ODAD4: variants seen among roughly 807,000 people sequenced by gnomAD.
The protein encoded by ODAD4 is outer dynein arm-docking complex subunit 4.
A neutral mutation model predicts 51.8 loss-of-function variants in ODAD4; 49 were observed. The ratio of observed to expected loss-of-function variants is 0.95; its 90% CI spans 0.75 to 1.20. ODAD4 has a LOEUF of 1.20. ODAD4 is among the 50% of genes most tolerant of loss of function. ODAD4 has a pLI of 0.00. For synonymous variants in ODAD4, 235 were observed against 221.3 expected, an observed-to-expected ratio of 1.06 and a Z score of -0.55; for missense variants, 590 against 586.5, an observed-to-expected ratio of 1.01 and a Z score of -0.06.
intron 9 of ODAD4, among the ~76,000 whole-genome samples, chr17:41,952,905 A>AT (rs1165616284): frequency 2.0e-3 from 290 of 148,390 alleles, no homozygotes; most frequent in Admixed American, 4.7e-3. Flanking sequence ...TGCCTGGCAA[A>AT]TTTTTTTTTT....
chr17:41,935,557 G>A, intron 2 of ODAD4, 42 bp from the exon 3 acceptor site: 1 of 1,588,926 alleles, frequency 6.3e-7, no homozygotes, highest in Non-Finnish European at 8.6e-7. Context: ...AGTCCTATAA[G>A]GCCTTATCTG....
At chr17:41,954,624 G>C in intron 9 of ODAD4, among the ~76,000 whole-genome samples, 1 of 152,036 alleles carries the variant, frequency 6.6e-6, no homozygotes, top group East Asian at 1.9e-4. Context: ...GGCCGAGGCA[G>C]GTGGATCACC....
At position 41,936,932 on chromosome 17, in the gene ODAD4, C is replaced by T. The variant is rs372320044; in HGVS notation, c.625+5C>T. 20 of 1,612,760 alleles carry T rather than the reference C, an allele frequency of 1.2e-5. No homozygotes were observed. In the African/African-American group the frequency reaches 1.5e-4, roughly 12 times the overall value. On this transcript the variant is annotated splice_donor_5th_base_variant and intron_variant, in intron 5 of 11. Coordinates refer to ENST00000377540, the MANE Select transcript of ODAD4 (RefSeq NM_031421.5). The stretch of plus-strand genomic sequence containing the variant: ...AGAAGCTCCTATTGGATGAAGGTTT[C>T]GGACACTTTGTTGGCACGGGGCCTT...
intron 7 of ODAD4, among the ~76,000 whole-genome samples, chr17:41,944,438 ACACACACCC>A (rs1221337991): frequency 0.014 from 55 of 3,990 alleles, 1 homozygote; most frequent in African/African-American, 0.029. Context: ...ACACACACAC[ACACACACCC>A]CCCCGCATAC....
At chr17:41,957,671 G>T (rs1235730481) in intron 10 of ODAD4, among the ~76,000 whole-genome samples, 1 of 152,204 alleles carries the variant, frequency 6.6e-6, no homozygotes, top group Non-Finnish European at 1.5e-5. Flanking sequence ...AAGGCACTGG[G>T]TAAGCTCTCC....
rs373415213 is a variant in ODAD4 at position 41,936,966 on chromosome 17, G to A, written c.625+39G>A. ...TGTTGGCACGGGGCCTTGGGGGAAA[G>A]GAAATCTGGGTGGATGCTTCATGCA... On this transcript the variant is annotated intron_variant, in intron 5 of 11. Transcript: ENST00000377540. The A allele has an allele frequency of 1.3e-5, 21 of 1,606,176 alleles. No individual in the cohort carries two copies. In the African/African-American group the frequency reaches 2.1e-4, roughly 16 times the overall value.
rs782573756 is a variant in ODAD4 at position 41,945,240 on chromosome 17, G to A, written c.1145+18G>A. 9 of 1,595,038 alleles carry A rather than the reference G, an allele frequency of 5.6e-6. No individual in the cohort carries two copies. In the East Asian group the frequency reaches 1.8e-4, roughly 32 times the overall value. On this transcript the variant is annotated intron_variant, in intron 8 of 11. Transcript: ENST00000377540. ...ATTGACACGTGAGTGACCAAGAATT[G>A]CCTCTTCCCCACCTCCATGGTTAGA...
chr17:41,961,107 T>C (rs939699757), intron 10 of ODAD4, among the ~76,000 whole-genome samples: 1 of 152,148 alleles, frequency 6.6e-6, no homozygotes, highest in Non-Finnish European at 1.5e-5. Flanking sequence ...AAGGTAGAAA[T>C]GAGTAGATAG....
Position 41,949,260 on chromosome 17 carries a change from A to G in ODAD4, c.1253A>G (p.Asn418Ser), listed in dbSNP as rs2050624329. 2.5e-6 allele frequency: 1 copy of G among 398,454 alleles called. No individual in the cohort carries two copies. The highest frequency in any genetic ancestry group is 2.1e-5 in the African/African-American group (1 of 48,628). The allele number at this position is 398,454 out of a possible 1,614,324, so 24.7% of individuals were successfully genotyped here. The part of the protein sequence containing the change: ...LELDQAWQAQ[N>S]YGEKSQQCAE... Reference sequence around the variant, plus strand: ...CTGGACCAGGCCTGGCAGGCCCAGAATTATGGCGAGAAGTCCCAGCAGTGT... The same window carrying G: ...CTGGACCAGGCCTGGCAGGCCCAGAGTTATGGCGAGAAGTCCCAGCAGTGT... Residue 418 changes from asparagine to serine, a missense_variant, in exon 9 of 12, where the codon AAT (asparagine) becomes AGT (serine). Asn to Ser is a conservative substitution (Grantham distance 46). Around this residue, in one of 3 missense-constraint regions of ODAD4, gnomAD observed 226 missense variants for 162.7 expected, o/e 1.39. Coordinates refer to ENST00000377540, the MANE Select transcript of ODAD4 (RefSeq NM_031421.5).
intron 3 of ODAD4, among the ~76,000 whole-genome samples, chr17:41,935,977 T>G (rs1555637715): frequency 6.6e-6 from 1 of 152,250 alleles, no homozygotes; most frequent in Non-Finnish European, 1.5e-5. Flanking sequence ...CTCTGAGCGC[T>G]GCAGCCTTGG....
At chr17:41,933,633 C>T (rs1452710144) in intron 1 of ODAD4, among the ~76,000 whole-genome samples, 4 of 151,498 alleles carry the variant, frequency 2.6e-5, no homozygotes, top group Admixed American at 2.6e-4. Flanking sequence ...GCTTTGGCAA[C>T]AAGAGCAAAA....
At position 41,940,147 on chromosome 17, in the gene ODAD4, A is replaced by G. The variant is rs535957287; in HGVS notation, c.1058+975A>G. Among the ~76,000 whole-genome samples, 9 of 152,196 alleles carry G rather than the reference A, an allele frequency of 5.9e-5. No homozygotes were observed. In the South Asian group the frequency reaches 1.7e-3, roughly 28 times the overall value. ...CTGCCTGGTTTCTACCCATCTCACC[A>G]GTCTGAGCCTCCTTGATCTCCCATC... On this transcript the variant is annotated intron_variant, in intron 7 of 11. Transcript: ENST00000377540.
At position 41,936,492 on chromosome 17, in the gene ODAD4, G is replaced by A. The variant is rs2050429090; in HGVS notation, c.417G>A (p.Leu139=). 1 of 1,613,174 alleles carries A rather than the reference G, an allele frequency of 6.2e-7. No individual in the cohort carries two copies. The highest frequency in any genetic ancestry group is 1.1e-5 in the South Asian group (1 of 91,022). ...NSVGSPSSIK[L]ENKGDLSFLS... ...TTGCAGGTCCTTCTTCCATTAAGCT[G>A]GAGAACAAAGGGGACCTCTCCTTCT... The change falls in exon 4 of 12, where the codon CTG becomes CTA. Residue 139 remains leucine, a synonymous_variant. Coordinates refer to ENST00000377540, the MANE Select transcript of ODAD4 (RefSeq NM_031421.5).
At chr17:41,937,030 C>T (rs1488902492) in intron 5 of ODAD4, 103 bp downstream of exon 5, 19 of 1,363,286 alleles carry the variant, frequency 1.4e-5, no homozygotes, top group African/African-American at 1.3e-4. Context: ...TATTAGCTGA[C>T]GTGTACCTGT....
At chr17:41,960,325 A>G (rs2050787722) in intron 10 of ODAD4, among the ~76,000 whole-genome samples, 1 of 152,006 alleles carries the variant, frequency 6.6e-6, no homozygotes, top group Admixed American at 6.6e-5. Context: ...ACAAACAAAC[A>G]AAAAAACAGT....
chr17:41,960,446 TCAAAAAAAAAAACAAACAAACAAA>T (rs1286627886), intron 10 of ODAD4, among the ~76,000 whole-genome samples: 1 of 30,172 alleles, frequency 3.3e-5, no homozygotes, highest in Non-Finnish European at 9.4e-5. Context: ...AGACTCTGTC[TCAAAAAAAAAAACAAACAAACAAA>T]CAAAAAACAA....
At chr17:41,944,984 G>A (rs2050566174) in intron 7 of ODAD4, among the ~76,000 whole-genome samples, 152 bp from the exon 8 acceptor site, 1 of 152,172 alleles carries the variant, frequency 6.6e-6, no homozygotes, top group Non-Finnish European at 1.5e-5. Flanking sequence ...GGGCACAGAT[G>A]TGCCACATCC....
intron 1 of ODAD4, among the ~76,000 whole-genome samples, chr17:41,932,890 T>G (rs1325767868): frequency 6.6e-6 from 1 of 152,142 alleles, no homozygotes; most frequent in Non-Finnish European, 1.5e-5. Context: ...CCATTTCTTT[T>G]GCTCCAAATT....
chr17:41,948,034 C>T (rs1439362845), intron 8 of ODAD4, among the ~76,000 whole-genome samples: 1 of 152,042 alleles, frequency 6.6e-6, no homozygotes, highest in African/African-American at 2.4e-5. Context: ...AGGAGAATCA[C>T]TTGAACCCGG....
Sources: gnomAD v4.1 joint callset for allele counts (sites outside exome capture counted in the v4.1 genomes callset) on GRCh38, gnomAD v4.1.1 for gene constraint, gnomAD v4.1.1 regional missense constraint, MANE v1.5 for transcripts, NCBI Gene and HGNC (gene_info 2026-07-23, HGNC 2026-07-21) for gene names.